The following ERC2 variants were observed in gnomAD, a reference collection of about 807,000 sequenced individuals.
The protein encoded by ERC2 is ERC protein 2.
ERC2 carries 42 observed loss-of-function variants against 114.8 expected under a neutral mutation model. The ratio of observed to expected loss-of-function variants is 0.37; its 90% CI spans 0.29 to 0.47. The LOEUF is 0.47. ERC2 is among the 20% of genes least tolerant of loss of function. The pLI is 0.99. For synonymous variants in ERC2, 454 were observed against 425.5 expected, an observed-to-expected ratio of 1.07 and a Z score of -0.82; for missense variants, 939 against 1,150.7, an observed-to-expected ratio of 0.82 and a Z score of 2.66.
At chr3:56,245,707 C>T (rs1444493476) in intron 3 of ERC2, among the ~76,000 whole-genome samples, 2 of 152,002 alleles carry the variant, frequency 1.3e-5, no homozygotes, top group Admixed American at 1.3e-4. Flanking sequence ...CCATGCCAGG[C>T]TAATTTTTGT....
At chr3:55,988,707 G>C (rs557077889) in intron 11 of ERC2, among the ~76,000 whole-genome samples, 1 of 152,306 alleles carries the variant, frequency 6.6e-6, no homozygotes, top group African/African-American at 2.4e-5. Flanking sequence ...TTACAAGCCA[G>C]AGACCACAAA....
chr3:56,055,687 G>A (rs1211052673), intron 7 of ERC2, among the ~76,000 whole-genome samples: 1 of 152,196 alleles, frequency 6.6e-6, no homozygotes, highest in Non-Finnish European at 1.5e-5. Flanking sequence ...CCACTCTCCG[G>A]GGGCCTATCA....
chr3:55,950,289 G>T, intron 13 of ERC2, 136 bp downstream of exon 13: 1 of 1,047,718 alleles, frequency 9.5e-7, no homozygotes, highest in Non-Finnish European at 1.4e-6. Context: ...GACCTACTGG[G>T]TTCCCTGTTA....
At chr3:55,964,964 A>T (rs2068645647) in intron 12 of ERC2, among the ~76,000 whole-genome samples, 7 of 152,148 alleles carry the variant, frequency 4.6e-5, no homozygotes, top group Admixed American at 4.6e-4. Flanking sequence ...TGCCTGTTTG[A>T]TTCTTTGAGG....
At chr3:56,303,050 C>G (rs750480212) in intron 2 of ERC2, among the ~76,000 whole-genome samples, 1 of 152,188 alleles carries the variant, frequency 6.6e-6, no homozygotes, top group Non-Finnish European at 1.5e-5. Flanking sequence ...TTACTCGCCA[C>G]CCTGTTTCTG....
intron 12 of ERC2, among the ~76,000 whole-genome samples, chr3:55,951,991 C>G (rs1047436361): frequency 1.3e-5 from 2 of 151,392 alleles, no homozygotes; most frequent in Non-Finnish European, 2.9e-5. Flanking sequence ...CTAGTACTAA[C>G]AGTGTACTCC....
At chr3:55,825,095 T>G (rs1180837938) in intron 14 of ERC2, among the ~76,000 whole-genome samples, 1 of 152,204 alleles carries the variant, frequency 6.6e-6, no homozygotes, top group Non-Finnish European at 1.5e-5. Context: ...GATTTACAAT[T>G]GACACAGAAG....
At chr3:56,054,983 T>C (rs2075946725) in intron 7 of ERC2, among the ~76,000 whole-genome samples, 2 of 152,242 alleles carry the variant, frequency 1.3e-5, no homozygotes. Flanking sequence ...CAGTGCGATG[T>C]AATTCAATAT....
At chr3:56,388,685 G>A (rs776967505) in intron 2 of ERC2, among the ~76,000 whole-genome samples, 8 of 151,860 alleles carry the variant, frequency 5.3e-5, no homozygotes, top group African/African-American at 1.5e-4. Context: ...CTTACTCTAC[G>A]TTGTCACAAT....
At chr3:55,639,465 G>A (rs888333134) in intron 17 of ERC2, among the ~76,000 whole-genome samples, 4 of 152,136 alleles carry the variant, frequency 2.6e-5, no homozygotes, top group Admixed American at 1.3e-4. Context: ...ACAGGAGGGA[G>A]AGAAAGTATA....
At chr3:56,149,522 C>T (rs2081310543) in intron 4 of ERC2, among the ~76,000 whole-genome samples, 1 of 152,042 alleles carries the variant, frequency 6.6e-6, no homozygotes, top group Non-Finnish European at 1.5e-5. Context: ...CTTATAAACA[C>T]AAAAACAGTT....
intron 15 of ERC2, among the ~76,000 whole-genome samples, chr3:55,711,567 T>C (rs989850903): frequency 5.9e-5 from 9 of 152,234 alleles, no homozygotes; most frequent in South Asian, 2.1e-4. Context: ...CAGTCCTCTA[T>C]TGATGTGTTC....
intron 13 of ERC2, among the ~76,000 whole-genome samples, chr3:55,932,225 G>A (rs774627451): frequency 1.3e-5 from 2 of 152,156 alleles, no homozygotes; most frequent in Non-Finnish European, 2.9e-5. Flanking sequence ...TAAAAGGCCT[G>A]AGTAGTCACT....
chr3:55,704,708 A>G (rs1416641743), intron 15 of ERC2, among the ~76,000 whole-genome samples: 1 of 152,232 alleles, frequency 6.6e-6, no homozygotes, highest in Admixed American at 6.5e-5. Context: ...CAGTTGGAGG[A>G]CAAAATGAAG....
intron 14 of ERC2, among the ~76,000 whole-genome samples, chr3:55,824,049 G>T (rs1377050511): frequency 6.6e-6 from 1 of 152,136 alleles, no homozygotes; most frequent in Non-Finnish European, 1.5e-5. Flanking sequence ...ATGTAACCCT[G>T]CTACCTCTAT....
chr3:55,709,519 G>T (rs2148851604), intron 15 of ERC2, among the ~76,000 whole-genome samples: 1 of 152,306 alleles, frequency 6.6e-6, no homozygotes, highest in Admixed American at 6.5e-5. Flanking sequence ...GACTGGGCAA[G>T]CAGAGGAGAC....
chr3:55,537,366 T>C (rs1168180677), intron 17 of ERC2, among the ~76,000 whole-genome samples: 1 of 152,204 alleles, frequency 6.6e-6, no homozygotes, highest in Non-Finnish European at 1.5e-5. Context: ...GCATCTAGAA[T>C]ATCAAAGGGT....
intron 14 of ERC2, among the ~76,000 whole-genome samples, chr3:55,832,683 C>T (rs760850894): frequency 1.3e-5 from 2 of 152,186 alleles, no homozygotes; most frequent in Non-Finnish European, 2.9e-5. Context: ...AAACTGGAAA[C>T]TCTAAAAAGC....
intron 2 of ERC2, among the ~76,000 whole-genome samples, chr3:56,407,104 T>G (rs2060758637): frequency 6.6e-6 from 1 of 152,182 alleles, no homozygotes; most frequent in African/African-American, 2.4e-5. Context: ...TCTCAAGAGC[T>G]GGTAAAGACT....
Sources: allele counts gnomAD v4.1 joint callset (sites outside exome capture counted in the v4.1 genomes callset), GRCh38; gene constraint gnomAD v4.1.1; transcripts MANE v1.5; gene names NCBI Gene and HGNC (gene_info 2026-07-23, HGNC 2026-07-21).